PKIB: variants seen among roughly 807,000 people sequenced by gnomAD.
PKIB encodes cAMP-dependent protein kinase inhibitor beta.
In PKIB, 2 loss-of-function variants were observed where a neutral mutation model predicts 4.5. The ratio of observed to expected loss-of-function variants is 0.44; its 90% confidence interval spans 0.18 to 1.39. The LOEUF (loss-of-function observed/expected upper bound fraction) is 1.39, where lower values mean the gene tolerates loss of function less well. Ranked by LOEUF, PKIB falls within the 40% of genes most tolerant of loss-of-function variation. The pLI, the probability that PKIB is intolerant of heterozygous loss-of-function variation, is 0.27. For missense variants in PKIB, 94 were observed against 92.6 expected (o/e 1.02, Z -0.06); for synonymous variants, 38 against 36.0 (o/e 1.06, Z -0.20).
At chr6:122,592,019 CTT>C (rs35270462) in intron 3 of PKIB, among the ~76,000 whole-genome samples, 13 of 142,958 alleles carry the variant, frequency 9.1e-5, no homozygotes, top group Middle Eastern at 3.6e-3. Flanking sequence ...TCTCTTTTCC[CTT>C]TTTTTTTTTT....
At chr6:122,696,066 G>T (rs960794288) in intron 3 of PKIB, among the ~76,000 whole-genome samples, 3 of 152,120 alleles carry the variant, frequency 2.0e-5, no homozygotes, top group Non-Finnish European at 4.4e-5. Context: ...ACTCTATAAA[G>T]GTGGTTCACT....
chr6:122,566,329 A>G (rs375233673), intron 2 of PKIB, among the ~76,000 whole-genome samples: 11 of 152,270 alleles, frequency 7.2e-5, no homozygotes, highest in African/African-American at 2.4e-4. Flanking sequence ...CTTTCTAGCC[A>G]TTTGGCCCTT....
intron 2 of PKIB, among the ~76,000 whole-genome samples, chr6:122,503,902 T>G (rs920587283): frequency 6.6e-6 from 1 of 152,214 alleles, no homozygotes; most frequent in Non-Finnish European, 1.5e-5. Context: ...CAAAGTGGTT[T>G]CTGTTATATT....
intron 2 of PKIB, among the ~76,000 whole-genome samples, chr6:122,565,756 T>G (rs1773171625): frequency 1.3e-5 from 2 of 152,200 alleles, no homozygotes; most frequent in Admixed American, 6.5e-5. Flanking sequence ...TCTTCCATAT[T>G]AGCCAAGATA....
intron 2 of PKIB, among the ~76,000 whole-genome samples, chr6:122,552,975 AT>A (rs926419899): frequency 1.6e-4 from 24 of 151,648 alleles, no homozygotes; most frequent in Admixed American, 1.2e-3. Flanking sequence ...AATTCACTGG[AT>A]TTTTTTTTAT....
chr6:122,703,153 A>C (rs1365149225), intron 3 of PKIB, among the ~76,000 whole-genome samples: 1 of 152,222 alleles, frequency 6.6e-6, no homozygotes, highest in Non-Finnish European at 1.5e-5. Flanking sequence ...ATTTTAATGC[A>C]TCGTGTATAA....
Position 122,725,999 on chromosome 6 carries a change from C to T in PKIB, c.*804C>T, listed in dbSNP as rs774166010. The T allele has an allele frequency of 2.6e-5, 4 of 151,938 alleles. No homozygotes were observed. The highest frequency in any genetic ancestry group is 4.4e-5 in the Non-Finnish European group (3 of 67,966). The allele number at this position is 151,938 out of a possible 1,614,324, so 9.4% of individuals were successfully genotyped here. On this transcript the variant is annotated 3_prime_UTR_variant, in exon 5 of 5. Transcript: ENST00000368452. ...TCTTAGGGCTTTTGTGTATGTCTGACTTGTTTTTAAATAACTTCCTCAGCA... is the reference window on the plus strand; with the variant it reads ...TCTTAGGGCTTTTGTGTATGTCTGATTTGTTTTTAAATAACTTCCTCAGCA...
intron 2 of PKIB, among the ~76,000 whole-genome samples, chr6:122,488,716 G>A (rs1037742976): frequency 6.6e-6 from 1 of 152,108 alleles, no homozygotes; most frequent in Admixed American, 6.5e-5. Context: ...AGAGAAGAAT[G>A]ATACTTAGAA....
chr6:122,698,045 C>T (rs919426283), intron 3 of PKIB, among the ~76,000 whole-genome samples: 1 of 152,042 alleles, frequency 6.6e-6, no homozygotes, highest in African/African-American at 2.4e-5. Flanking sequence ...CATCCATTGC[C>T]AAGATAAATG....
At chr6:122,695,861 T>C (rs1778550342) in intron 3 of PKIB, among the ~76,000 whole-genome samples, 1 of 152,132 alleles carries the variant, frequency 6.6e-6, no homozygotes, top group South Asian at 2.1e-4. Context: ...CTCCTCTCTC[T>C]TCTCTCCCTC....
intron 2 of PKIB, among the ~76,000 whole-genome samples, chr6:122,667,631 AT>A (rs1342944132): frequency 1.3e-5 from 2 of 152,250 alleles, no homozygotes; most frequent in African/African-American, 4.8e-5. Flanking sequence ...GAGGATTATA[AT>A]ATAGGTAAGA....
chr6:122,600,209 G>C (rs1424289870), intron 3 of PKIB, among the ~76,000 whole-genome samples: 1 of 152,114 alleles, frequency 6.6e-6, no homozygotes, highest in Non-Finnish European at 1.5e-5. Flanking sequence ...GAAAGATGTA[G>C]GCTGGGAGGC....
chr6:122,667,585 A>G (rs10499121), intron 2 of PKIB, among the ~76,000 whole-genome samples: 8,550 of 152,260 alleles, frequency 0.056, 255 homozygotes, highest in East Asian at 0.13. Flanking sequence ...GAGATGAAAG[A>G]TAATGTAAAG....
intron 2 of PKIB, among the ~76,000 whole-genome samples, chr6:122,548,321 A>G (rs9401556): frequency 0.11 from 17,240 of 152,250 alleles, 1,235 homozygotes; most frequent in East Asian, 0.21. Flanking sequence ...AAGCAAGTGT[A>G]TAGACTATCA....
At chr6:122,601,363 A>G (rs1774358592) in intron 3 of PKIB, among the ~76,000 whole-genome samples, 1 of 152,202 alleles carries the variant, frequency 6.6e-6, no homozygotes. Flanking sequence ...AAAACTTAAA[A>G]GAAATTAGAG....
At chr6:122,678,835 A>G (rs1777786340) in intron 3 of PKIB, among the ~76,000 whole-genome samples, 1 of 152,236 alleles carries the variant, frequency 6.6e-6, no homozygotes, top group Non-Finnish European at 1.5e-5. Context: ...GCAAAACCAT[A>G]ACCCACAATA....
rs1334771841 is a variant in PKIB, at chr6:122,576,689, A to AATATATAT, written c.-247-9217_-247-9210dup. Among the ~76,000 whole-genome samples the AATATATAT allele has an allele frequency of 2.9e-3, 101 of 34,288 alleles. 1 individual carries two copies. The highest frequency in any genetic ancestry group is 0.01 in the South Asian group (6 of 580). 22.5% of individuals were successfully genotyped at this position (34,288 alleles called of 152,430 possible). On this transcript the variant is annotated intron_variant, in intron 2 of 6. Transcript: ENST00000392491. ...ATCTCAAAAAAAAAAAAAAAAAAAA[A>AATATATAT]ATATATATATATATATATATATTTT...
rs1779569381 is a variant in PKIB at position 122,717,950 on chromosome 6, C to G, written c.156C>G (p.Leu52=). The G allele has an allele frequency of 6.2e-7, 1 of 1,613,296 alleles. No homozygotes were observed. The highest frequency in any genetic ancestry group is 8.5e-7 in the Non-Finnish European group (1 of 1,179,374). Residue 52 remains leucine (L), a synonymous_variant, in exon 4 of 5, where the codon CTC becomes CTG. Transcript: ENST00000368452. The stretch of plus-strand genomic sequence containing the variant: ...ATTTGCCCCTCAAACTGGAGGCTCT[C>G]TCCGTGAAGGAAGGTAATACTCAAA... ...TSDLPLKLEA[L]SVKEDAKEKD... is the part of the protein sequence containing the mutation.
At chr6:122,486,548 A>T (rs1318921671) in intron 2 of PKIB, among the ~76,000 whole-genome samples, 1 of 151,612 alleles carries the variant, frequency 6.6e-6, no homozygotes, top group Non-Finnish European at 1.5e-5. Context: ...TGTTCCTTCT[A>T]ATTTCATTTC....
Sources: gnomAD v4.1 joint callset for allele counts (sites outside exome capture counted in the v4.1 genomes callset) on GRCh38, gnomAD v4.1.1 for gene constraint, MANE v1.5 for transcripts, NCBI Gene and HGNC (gene_info 2026-07-23, HGNC 2026-07-21) for gene names.